Variants in TDRD1 observed in about 807,000 individuals in gnomAD.
TDRD1 encodes the protein tudor domain-containing protein 1.
A neutral mutation model predicts 140.6 loss-of-function variants in TDRD1; 37 were observed. That is an observed-to-expected ratio of 0.26 (90% CI 0.20 to 0.35). The LOEUF is 0.35. Ranked by LOEUF, TDRD1 falls within the 10% of genes least tolerant of loss-of-function variation. The pLI, the probability that TDRD1 is intolerant of heterozygous loss-of-function variation, is 1.00. For missense variants in TDRD1, 1,243 were observed against 1,393.0 expected (o/e 0.89, Z 1.71); for synonymous variants, 506 against 475.7 (o/e 1.06, Z -0.83).
upstream of TDRD1, among the ~76,000 whole-genome samples, chr10:114,175,301 T>C (rs1294465110): frequency 6.6e-6 from 1 of 152,232 alleles, no homozygotes; most frequent in Non-Finnish European, 1.5e-5. Flanking sequence ...TAGGTATTAC[T>C]ATTTCTGAAT....
At chr10:114,210,726 T>A (rs200665050) in exon 12 of TDRD1, 1 of 1,610,924 alleles carries the variant, frequency 6.2e-7, no homozygotes, top group Non-Finnish European at 8.5e-7. Context: ...AAGACTTCTT[T>A]TGTCAACAAC....
intron 13 of TDRD1, 74 bp downstream of exon 13, chr10:114,211,041 T>G (rs1293682951): frequency 1.3e-5 from 16 of 1,195,256 alleles, no homozygotes; most frequent in Non-Finnish European, 1.8e-5. Context: ...TAAAAACCAT[T>G]GAAACAGAGT....
chr10:114,226,293 C>T (rs940493046), intron 22 of TDRD1, 77 bp downstream of exon 22: 19 of 1,046,652 alleles, frequency 1.8e-5, no homozygotes, highest in African/African-American at 1.3e-4. Context: ...AGCTCTAAGT[C>T]GGAATCAAAT....
rs112348745 is a variant in TDRD1 at position 114,184,170 on chromosome 10, A to ATT, written c.-6-3643_-6-3642dup. Among the ~76,000 whole-genome samples the ATT allele has an allele frequency of 8.9e-3, 1,303 of 146,738 alleles. 20 individuals are homozygous for ATT. Among genetic ancestry groups the ATT allele is most frequent in the African/African-American group, 0.03 (1,196 of 40,320 alleles). ...AAAATGCATACTTATTTCAATTTGAATTTTTTTTTTTTTTACTATAAATAG... is the reference window on the plus strand; with the variant it reads ...AAAATGCATACTTATTTCAATTTGAATTTTTTTTTTTTTTTTACTATAAATAG... On this transcript the variant is annotated intron_variant, in intron 1 of 25. Coordinates refer to ENST00000251864, the Ensembl canonical transcript of TDRD1.
chr10:114,189,614 G>A (rs1240717377), intron 2 of TDRD1, among the ~76,000 whole-genome samples: 1 of 152,098 alleles, frequency 6.6e-6, no homozygotes, highest in African/African-American at 2.4e-5. Context: ...TTTATTTGGA[G>A]ACAGTCTCAC....
intron 1 of TDRD1, 91 bp from the exon 2 acceptor site, chr10:114,187,735 G>C: frequency 8.6e-7 from 1 of 1,164,296 alleles, no homozygotes; most frequent in Non-Finnish European, 1.2e-6. Context: ...TATCTGTTAC[G>C]TAAATATATT....
At chr10:114,198,116 C>T (rs576017649) in intron 3 of TDRD1, among the ~76,000 whole-genome samples, 1 of 152,258 alleles carries the variant, frequency 6.6e-6, no homozygotes, top group South Asian at 2.1e-4. Flanking sequence ...ATGGGAGTTC[C>T]AGCTTCACAA....
intron 3 of TDRD1, among the ~76,000 whole-genome samples, chr10:114,196,746 G>GT (rs2034378185): frequency 1.4e-5 from 2 of 141,120 alleles, no homozygotes; most frequent in Non-Finnish European, 3.0e-5. Flanking sequence ...GTGTCTTGGT[G>GT]TTTAGTCTCA....
At chr10:114,214,187 T>C in intron 16 of TDRD1, 73 bp downstream of exon 16, 13 of 1,339,586 alleles carry the variant, frequency 9.7e-6, no homozygotes, top group South Asian at 8.1e-5. Flanking sequence ...ATGAGTTTGT[T>C]ACTAAGTGAT....
chr10:114,195,671 T>C (rs1320317147), intron 3 of TDRD1, among the ~76,000 whole-genome samples: 2 of 152,244 alleles, frequency 1.3e-5, no homozygotes, highest in African/African-American at 4.8e-5. Context: ...GGTCTCTCTA[T>C]ATTGTTATAT....
At chr10:114,221,828 C>G (rs537735182) in intron 20 of TDRD1, among the ~76,000 whole-genome samples, 1 of 152,298 alleles carries the variant, frequency 6.6e-6, no homozygotes, top group East Asian at 1.9e-4. Flanking sequence ...ATAATCATAG[C>G]TTTACTATAC....
chr10:114,187,602 A>G (rs1391385018), intron 1 of TDRD1, among the ~76,000 whole-genome samples: 1 of 152,192 alleles, frequency 6.6e-6, no homozygotes, highest in Non-Finnish European at 1.5e-5. Flanking sequence ...TTGATTTTTC[A>G]TGAGTTGGTC....
In TDRD1 at chr10:114,232,296, T is replaced by C. The variant is rs1014061938; in HGVS notation, c.*779T>C. 3 of 145,106 alleles carry C rather than the reference T, an allele frequency of 2.1e-5. No individual in the cohort carries two copies. The South Asian group carries it at 6.4e-4, about 31-fold the overall frequency. 9.0% of individuals were successfully genotyped at this position (145,106 alleles called of 1,614,324 possible). Reference sequence around the variant, plus strand: ...TCTGAAACCCAAATACAGTTATCAGTTTAAGGTTAAAAAAAAAAAAAAAAC... The same window carrying C: ...TCTGAAACCCAAATACAGTTATCAGCTTAAGGTTAAAAAAAAAAAAAAAAC... On this transcript the variant is annotated 3_prime_UTR_variant, in exon 26 of 26. Coordinates refer to ENST00000251864, the Ensembl canonical transcript of TDRD1.
At chr10:114,183,927 C>T (rs547181743) in intron 1 of TDRD1, among the ~76,000 whole-genome samples, 76 of 151,938 alleles carry the variant, frequency 5.0e-4, no homozygotes, top group Non-Finnish European at 8.2e-4. Context: ...CTATTTTGAA[C>T]GGGACATTTT....
At chr10:114,200,808 G>T (rs192818677) in intron 4 of TDRD1, among the ~76,000 whole-genome samples, 310 of 149,704 alleles carry the variant, frequency 2.1e-3, no homozygotes, top group Non-Finnish European at 2.9e-3. Context: ...GATTACAGGC[G>T]TGAGCCACTG....
chr10:114,219,394 A>C (rs899219931), intron 18 of TDRD1, among the ~76,000 whole-genome samples: 2 of 152,176 alleles, frequency 1.3e-5, no homozygotes, highest in African/African-American at 4.8e-5. Flanking sequence ...GTTATTATAA[A>C]AACTTTATAA....
intron 10 of TDRD1, 130 bp from the exon 11 acceptor site, chr10:114,206,114 C>A: frequency 1.4e-6 from 1 of 692,740 alleles, no homozygotes. Context: ...ACTGAATTGG[C>A]AAAACATATA....
In TDRD1 at chr10:114,199,187, T is replaced by C. The variant is rs371905794; in HGVS notation, c.399T>C (p.Asn133=). The C allele has an allele frequency of 2.3e-4, 375 of 1,612,564 alleles. 5 individuals carry two copies. In the South Asian group the frequency reaches 3.8e-3, roughly 16 times the overall value. ...GTTCTTAATAGAAGCCTGGAAATAATGTACGTCCTGCAAAATCAAAAAAAC... is the reference window on the plus strand; with the variant it reads ...GTTCTTAATAGAAGCCTGGAAATAACGTACGTCCTGCAAAATCAAAAAAAC... The change falls in exon 4 of 26, where the codon AAT becomes AAC. Residue 133 remains asparagine, a synonymous_variant. Coordinates refer to ENST00000251864, the Ensembl canonical transcript of TDRD1.
At chr10:114,180,593 G>C (rs966352241) in intron 1 of TDRD1, among the ~76,000 whole-genome samples, 1 of 152,172 alleles carries the variant, frequency 6.6e-6, no homozygotes, top group African/African-American at 2.4e-5. Flanking sequence ...AGCCTTCCTA[G>C]TAGCTGGGAT....
Sources: allele counts gnomAD v4.1 joint callset (sites outside exome capture counted in the v4.1 genomes callset), GRCh38; gene constraint gnomAD v4.1.1; transcripts MANE v1.5; gene names NCBI Gene and HGNC (gene_info 2026-07-23, HGNC 2026-07-21).